CADM2: variants seen among roughly 807,000 people sequenced by gnomAD.
CADM2 encodes cell adhesion molecule 2.
Under a neutral mutation model 49.8 loss-of-function variants are expected in CADM2, and 12 were observed. The observed-to-expected ratio is 0.24, with a 90% CI of 0.15 to 0.39. The LOEUF is 0.39. Ranked by LOEUF, CADM2 falls within the 10% of genes least tolerant of loss-of-function variation. CADM2 has a pLI of 1.00. For missense variants in CADM2, 378 were observed against 492.3 expected, an observed-to-expected ratio of 0.77 and a Z score of 2.20; for synonymous variants, 214 against 175.4, an observed-to-expected ratio of 1.22 and a Z score of -1.74.
intron 1 of CADM2, among the ~76,000 whole-genome samples, chr3:85,106,611 AT>A (rs1159652440): frequency 6.6e-6 from 1 of 152,208 alleles, no homozygotes. Context: ...CAATGATCTA[AT>A]GTAAAATATA....
intron 1 of CADM2, among the ~76,000 whole-genome samples, chr3:85,696,967 A>G (rs1258930921): frequency 6.6e-6 from 1 of 151,688 alleles, no homozygotes; most frequent in Non-Finnish European, 1.5e-5. Context: ...ATAGAGCAGT[A>G]CTATTTAAGT....
intron 1 of CADM2, among the ~76,000 whole-genome samples, chr3:85,172,152 G>A (rs2040645999): frequency 6.6e-6 from 1 of 152,138 alleles, no homozygotes; most frequent in African/African-American, 2.4e-5. Context: ...AGGTTACCTG[G>A]GGATGAATAT....
intron 8 of CADM2, among the ~76,000 whole-genome samples, chr3:85,995,442 A>G (rs576311369): frequency 2.0e-5 from 3 of 152,268 alleles, no homozygotes; most frequent in East Asian, 3.9e-4. Flanking sequence ...TGATATATTC[A>G]TCATATGCTA....
chr3:85,685,692 C>T lies in CADM2; in HGVS notation c.62-40830C>T, dbSNP rs373779203. On this transcript the variant is annotated intron_variant, in intron 1 of 9. Coordinates refer to ENST00000383699, the MANE Select transcript of CADM2 (RefSeq NM_001167675.2). Reference sequence around the variant, plus strand: ...AGGCTGGAGTGCAGTGGTGTGATCTCGGCTCACTGCAACCTCCACCTCCCA... The same window carrying T: ...AGGCTGGAGTGCAGTGGTGTGATCTTGGCTCACTGCAACCTCCACCTCCCA... Among the ~76,000 whole-genome samples, 445 of 140,766 alleles carry T rather than the reference C, an allele frequency of 3.2e-3. 1 individual carries two copies. The highest frequency in any genetic ancestry group is 5.9e-3 in the East Asian group (28 of 4,706). 92.3% of individuals were successfully genotyped at this position (140,766 alleles called of 152,430 possible).
intron 2 of CADM2, among the ~76,000 whole-genome samples, chr3:85,771,503 A>G (rs1030818915): frequency 6.6e-6 from 1 of 152,094 alleles, no homozygotes; most frequent in African/African-American, 2.4e-5. Context: ...TATTATTCGT[A>G]CTATACTTAA....
At chr3:85,059,602 C>T (rs2036226353) in intron 1 of CADM2, among the ~76,000 whole-genome samples, 3 of 152,054 alleles carry the variant, frequency 2.0e-5, no homozygotes, top group Admixed American at 1.3e-4. Context: ...TGGGAGGAAC[C>T]CGGTGGGAGG....
At chr3:85,979,403 C>A (rs1025269250) in intron 8 of CADM2, 1 of 1,133,822 alleles carries the variant, frequency 8.8e-7, no homozygotes. Flanking sequence ...GTAATTAAGT[C>A]ACCTAAATTG....
chr3:85,226,597 G>GT (rs563627048), intron 1 of CADM2, among the ~76,000 whole-genome samples: 6,119 of 145,816 alleles, frequency 0.042, 140 homozygotes, highest in Middle Eastern at 0.061. Flanking sequence ...ATTTTGAAGA[G>GT]TTTTTTTTTT....
chr3:85,091,906 A>G (rs1449233769), intron 1 of CADM2, among the ~76,000 whole-genome samples: 2 of 152,142 alleles, frequency 1.3e-5, no homozygotes, highest in Non-Finnish European at 2.9e-5. Context: ...TCAAATTCCA[A>G]TAATTAATGT....
intron 1 of CADM2, among the ~76,000 whole-genome samples, chr3:84,978,299 C>T (rs1377964030): frequency 6.6e-6 from 1 of 152,066 alleles, no homozygotes; most frequent in Non-Finnish European, 1.5e-5. Flanking sequence ...AGAATATTTT[C>T]TGGCACACAG....
intron 7 of CADM2, among the ~76,000 whole-genome samples, chr3:85,950,748 G>C (rs1723330582): frequency 6.6e-6 from 1 of 151,040 alleles, no homozygotes; most frequent in Non-Finnish European, 1.5e-5. Context: ...TGCTATCAAA[G>C]TTTAAAATCT....
At chr3:84,961,631 T>A (rs1335583949) in intron 1 of CADM2, among the ~76,000 whole-genome samples, 2 of 151,964 alleles carry the variant, frequency 1.3e-5, no homozygotes, top group Non-Finnish European at 2.9e-5. Flanking sequence ...TGTATGTGTG[T>A]GTGTGTGCGC....
chr3:85,966,330 C>T (rs1389654004), intron 8 of CADM2, among the ~76,000 whole-genome samples: 1 of 151,696 alleles, frequency 6.6e-6, no homozygotes, highest in Non-Finnish European at 1.5e-5. Context: ...TTGAGATGCA[C>T]TATTCCATAA....
intron 1 of CADM2, among the ~76,000 whole-genome samples, chr3:85,347,621 A>ATATATATAAATATATATATACG (rs2030861581): frequency 1.0e-5 from 1 of 95,286 alleles, no homozygotes; most frequent in African/African-American, 3.0e-5. Flanking sequence ...ATATATATAC[A>ATATATATAAATATATATATACG]TATATATAAA....
intron 1 of CADM2, among the ~76,000 whole-genome samples, chr3:85,034,835 G>T (rs1576082246): frequency 8.7e-6 from 1 of 114,480 alleles, no homozygotes; most frequent in Non-Finnish European, 1.6e-5. Context: ...ACAGAGGCTT[G>T]CCCTGTCACC....
intron 1 of CADM2, among the ~76,000 whole-genome samples, chr3:85,470,447 A>G (rs1286033834): frequency 1.3e-5 from 2 of 152,190 alleles, no homozygotes; most frequent in Admixed American, 1.3e-4. Flanking sequence ...GAAAACAAGA[A>G]AAGAATTCAG....
intron 1 of CADM2, among the ~76,000 whole-genome samples, chr3:85,505,013 G>T (rs1313746531): frequency 1.3e-5 from 2 of 152,094 alleles, no homozygotes; most frequent in Admixed American, 6.5e-5. Context: ...ACTCCAGCTG[G>T]CCCGGAAGCG....
intron 1 of CADM2, among the ~76,000 whole-genome samples, chr3:85,262,403 A>G (rs1318529071): frequency 3.3e-5 from 5 of 152,126 alleles, no homozygotes; most frequent in African/African-American, 1.2e-4. Flanking sequence ...GGACAAAAGC[A>G]AGGACAGATG....
intron 1 of CADM2, among the ~76,000 whole-genome samples, chr3:85,666,419 G>A (rs2065570398): frequency 6.6e-6 from 1 of 151,734 alleles, no homozygotes; most frequent in South Asian, 2.1e-4. Context: ...CCTGGTAAGG[G>A]GAGAAAAAGT....
Sources: allele counts gnomAD v4.1 joint callset (sites outside exome capture counted in the v4.1 genomes callset), GRCh38; gene constraint gnomAD v4.1.1; transcripts MANE v1.5; gene names NCBI Gene and HGNC (gene_info 2026-07-23, HGNC 2026-07-21).